VKORC1L1: variants seen among roughly 807,000 people sequenced by gnomAD.
VKORC1L1 encodes the protein vitamin K epoxide reductase complex subunit 1-like protein 1.
VKORC1L1 carries 2 observed loss-of-function variants against 18.9 expected under a neutral mutation model. That is an observed-to-expected ratio of 0.11 (90% CI 0.04 to 0.33). VKORC1L1 has a LOEUF of 0.33. Ranked by LOEUF, VKORC1L1 falls within the 10% of genes least tolerant of loss-of-function variation. VKORC1L1 has a pLI of 1.00. For synonymous variants in VKORC1L1, 96 were observed against 100.0 expected (o/e 0.96, Z 0.24); for missense variants, 123 against 224.1 (o/e 0.55, Z 2.88).
intron 1 of VKORC1L1, among the ~76,000 whole-genome samples, chr7:65,935,571 A>G (rs1789929637): frequency 6.6e-6 from 1 of 152,096 alleles, no homozygotes; most frequent in Non-Finnish European, 1.5e-5. Context: ...AGCCTCCCAA[A>G]GTGCTGGGAT....
chr7:65,880,277 G>C (rs1415242388), intron 1 of VKORC1L1, among the ~76,000 whole-genome samples: 1 of 152,126 alleles, frequency 6.6e-6, no homozygotes, highest in Non-Finnish European at 1.5e-5. Context: ...AAAATATATA[G>C]AGTTTGTGGT....
the VKORC1L1 span, among the ~76,000 whole-genome samples, chr7:65,866,596 CAGTT>C: frequency 6.6e-6 from 1 of 152,270 alleles, no homozygotes; most frequent in Non-Finnish European, 1.5e-5. Context: ...AACACAGAGA[CAGTT>C]AGGTTAACTA....
intron 1 of VKORC1L1, among the ~76,000 whole-genome samples, chr7:65,891,800 T>C (rs1253308886): frequency 2.0e-5 from 3 of 152,248 alleles, no homozygotes; most frequent in African/African-American, 7.2e-5. Flanking sequence ...CATTTCTTCA[T>C]GTTAGGAATA....
At chr7:65,920,493 A>G (rs747089296) in intron 1 of VKORC1L1, among the ~76,000 whole-genome samples, 1 of 152,154 alleles carries the variant, frequency 6.6e-6, no homozygotes, top group Non-Finnish European at 1.5e-5. Flanking sequence ...TTATTGATTA[A>G]CATATAGATT....
At chr7:65,944,471 A>G (rs1790085458) in intron 1 of VKORC1L1, among the ~76,000 whole-genome samples, 2 of 152,104 alleles carry the variant, frequency 1.3e-5, no homozygotes, top group African/African-American at 4.8e-5. Flanking sequence ...GGTGATGGGT[A>G]CCTGGGTTTT....
At chr7:65,877,884 C>T (rs1186684144) in intron 1 of VKORC1L1, among the ~76,000 whole-genome samples, 8 of 152,070 alleles carry the variant, frequency 5.3e-5, no homozygotes. Flanking sequence ...CTCAAGTCCC[C>T]ACTGTGGGCC....
chr7:65,891,181 G>A (rs991371257), intron 1 of VKORC1L1, among the ~76,000 whole-genome samples: 4 of 147,502 alleles, frequency 2.7e-5, no homozygotes, highest in Non-Finnish European at 6.0e-5. Flanking sequence ...TCTGTTGTAT[G>A]ATTATATTAC....
At chr7:65,869,847 G>T (rs1788704607), upstream of VKORC1L1, among the ~76,000 whole-genome samples, 1 of 151,414 alleles carries the variant, frequency 6.6e-6, no homozygotes. Flanking sequence ...TAGAGATGGG[G>T]TCTTGCTATG....
chr7:65,884,891 C>A (rs1263269562), intron 1 of VKORC1L1, among the ~76,000 whole-genome samples: 1 of 152,000 alleles, frequency 6.6e-6, no homozygotes, highest in African/African-American at 2.4e-5. Context: ...ATGAGGTTTT[C>A]ATGTTTTTAT....
upstream of VKORC1L1, among the ~76,000 whole-genome samples, chr7:65,869,236 C>T (rs113446601): frequency 1.6e-3 from 243 of 152,064 alleles, 1 homozygote; most frequent in African/African-American, 5.4e-3. Context: ...ATCTCTTCAA[C>T]CTGGCTGATG....
Position 65,909,612 on chromosome 7 carries a change from G to A in VKORC1L1, c.194+36047G>A, listed in dbSNP as rs375853300. Among the ~76,000 whole-genome samples the A allele has an allele frequency of 5.4e-4, 81 of 151,126 alleles. 1 individual carries two copies. The highest frequency in any genetic ancestry group is 2.0e-3 in the African/African-American group (81 of 41,088). On this transcript the variant is annotated intron_variant, in intron 1 of 2. Coordinates refer to ENST00000360768, the MANE Select transcript of VKORC1L1 (RefSeq NM_173517.6). Reference sequence around the variant, plus strand: ...TGGTTGAAAAATTAAATTTCAGAATGTTCTGTTTCATTTATAAGGTATTTG... The same window carrying A: ...TGGTTGAAAAATTAAATTTCAGAATATTCTGTTTCATTTATAAGGTATTTG...
At chr7:65,949,439 A>G (rs2115739422) in intron 2 of VKORC1L1, among the ~76,000 whole-genome samples, 1 of 152,116 alleles carries the variant, frequency 6.6e-6, no homozygotes, top group Middle Eastern at 3.4e-3. Context: ...AGATCGCGCC[A>G]TTGCACTCCA....
At chr7:65,910,115 A>G (rs3110902) in intron 1 of VKORC1L1, among the ~76,000 whole-genome samples, 143,484 of 152,254 alleles carry the variant, frequency 0.94, 67,702 homozygotes, top group East Asian at 1. Context: ...GTTGGCTAAC[A>G]AGTTCACATC....
chr7:65,956,360 A>G lies in VKORC1L1; in HGVS notation c.*2060A>G, dbSNP rs912367050. The G allele has an allele frequency of 1.3e-5, 2 of 152,198 alleles. No homozygotes were observed. The highest frequency in any genetic ancestry group is 6.5e-5 in the Admixed American group (1 of 15,286). The allele number at this position is 152,198 out of a possible 1,614,324, so 9.4% of individuals were successfully genotyped here. A position where few individuals can be genotyped will look rare whatever the true frequency, so the allele number is the denominator to read the frequency against. ...TGCTAAACAAGTTCCTCGTGTCCCA[A>G]TATCCAATGGTTTTTCATCCTATTT... is the stretch of plus-strand genomic sequence containing the variant. On this transcript the variant is annotated 3_prime_UTR_variant, in exon 3 of 3. Transcript: ENST00000360768.
chr7:65,954,366 TTTATTATTATTA>T lies in VKORC1L1; in HGVS notation c.*81_*92del. 6.8e-7 allele frequency: 1 copy of T among 1,477,410 alleles called. No homozygotes were observed. Among genetic ancestry groups the T allele is most frequent in the Non-Finnish European group, 9.0e-7 (1 of 1,116,350 alleles). The allele number at this position is 1,477,410 out of a possible 1,614,324, so 91.5% of individuals were successfully genotyped here. ...CATTCAGTTTATTTTGCAGCAGGTT[TTTATTATTATTA>T]TTATTATTATTATTCACAACAGACA... On this transcript the variant is annotated 3_prime_UTR_variant, in exon 3 of 3. Transcript: ENST00000360768.
intron 1 of VKORC1L1, among the ~76,000 whole-genome samples, chr7:65,909,582 C>A (rs1335404739): frequency 6.6e-6 from 1 of 151,982 alleles, no homozygotes; most frequent in Non-Finnish European, 1.5e-5. Flanking sequence ...GTGTGTGGAT[C>A]TCATTGGTTG....
intron 1 of VKORC1L1, among the ~76,000 whole-genome samples, chr7:65,926,645 T>C (rs1001106522): frequency 6.6e-6 from 1 of 152,190 alleles, no homozygotes; most frequent in Non-Finnish European, 1.5e-5. Flanking sequence ...AAAAGACACC[T>C]GCACATGCAT....
intron 1 of VKORC1L1, among the ~76,000 whole-genome samples, chr7:65,905,477 T>A (rs1236616550): frequency 6.6e-6 from 1 of 151,880 alleles, no homozygotes; most frequent in Non-Finnish European, 1.5e-5. Context: ...ACTCGGCTAA[T>A]TTTTTGTATT....
At chr7:65,906,502 C>T (rs950084937) in intron 1 of VKORC1L1, among the ~76,000 whole-genome samples, 7 of 152,072 alleles carry the variant, frequency 4.6e-5, no homozygotes, top group African/African-American at 1.7e-4. Context: ...TTTTGTAAGA[C>T]CCCCAAAGGT....
Sources: allele counts gnomAD v4.1 joint callset (sites outside exome capture counted in the v4.1 genomes callset), GRCh38; gene constraint gnomAD v4.1.1; transcripts MANE v1.5; gene names NCBI Gene and HGNC (gene_info 2026-07-23, HGNC 2026-07-21).